Variants in DENND2C observed in about 807,000 individuals in gnomAD.
DENND2C encodes the protein DENN domain containing 2C.
A neutral mutation model predicts 112.4 loss-of-function variants in DENND2C; 72 were observed. The ratio of observed to expected loss-of-function variants is 0.64; its 90% confidence interval spans 0.53 to 0.78. The LOEUF (loss-of-function observed/expected upper bound fraction) is 0.78. Ranked by LOEUF, DENND2C falls within the 30% of genes least tolerant of loss-of-function variation. DENND2C has a pLI of 0.00. For missense variants in DENND2C, 992 were observed against 1,113.8 expected, an observed-to-expected ratio of 0.89 and a Z score of 1.56; for synonymous variants, 329 against 381.6, an observed-to-expected ratio of 0.86 and a Z score of 1.61.
At chr1:114,638,928 T>A (rs1357644755) in intron 3 of DENND2C, among the ~76,000 whole-genome samples, 1 of 151,562 alleles carries the variant, frequency 6.6e-6, no homozygotes. Flanking sequence ...TGGGAAAAAA[T>A]ATCTGCCATA....
At chr1:114,660,564 G>A (rs1380654945) in intron 1 of DENND2C, among the ~76,000 whole-genome samples, 1 of 152,122 alleles carries the variant, frequency 6.6e-6, no homozygotes, top group Non-Finnish European at 1.5e-5. Flanking sequence ...CTTGAGTGTT[G>A]GAAGGTGCTT....
intron 10 of DENND2C, among the ~76,000 whole-genome samples, chr1:114,605,297 T>G (rs1474698524): frequency 6.6e-6 from 1 of 152,192 alleles, no homozygotes. Context: ...GCATCTACTG[T>G]AAGAGAGATT....
Position 114,587,806 on chromosome 1 carries a change from T to G in DENND2C, c.2578A>C (p.Ser860Arg). The stretch of plus-strand genomic sequence containing the variant: ...AAGAGATCCAGGAAGTGGCGTACAC[T>G]TCGGGAGGTGTGGGACTTACGGAAT... ...EPFRKSHTSR[S>R]VRHFLDLFME... The change falls in exon 19 of 21, where the codon AGT (serine) becomes CGT (arginine). Residue 860 changes from serine to arginine, a missense_variant. Transcript: ENST00000393274. 6.2e-7 allele frequency: 1 copy of G among 1,614,106 alleles called. No individual in the cohort carries two copies. Among genetic ancestry groups the G allele is most frequent in the South Asian group, 1.1e-5 (1 of 91,078 alleles).
chr1:114,665,305 T>C (rs1657618350), intron 1 of DENND2C, among the ~76,000 whole-genome samples: 1 of 150,366 alleles, frequency 6.7e-6, no homozygotes, highest in African/African-American at 2.4e-5. Flanking sequence ...AAGTTATATG[T>C]GCCATGCAAA....
intron 7 of DENND2C, among the ~76,000 whole-genome samples, chr1:114,621,115 T>A (rs1656151143): frequency 6.6e-6 from 1 of 152,170 alleles, no homozygotes; most frequent in South Asian, 2.1e-4. Context: ...ATTTCTTAAG[T>A]GTTTCTCCCA....
chr1:114,611,109 T>C lies in DENND2C; in HGVS notation c.1333A>G (p.Ser445Gly). The C allele has an allele frequency of 6.2e-7, 1 of 1,614,174 alleles. No individual in the cohort carries two copies. Residue 445 changes from serine (S) to glycine (G), a missense_variant, in exon 9 of 21, where the codon AGT (serine) becomes GGT (glycine). Physicochemically the swap from Ser to Gly is moderately conservative, Grantham distance 56. Coordinates refer to ENST00000393274, the MANE Select transcript of DENND2C (RefSeq NM_001256404.2). ...KELPPTKGET[S>G]GNESDAEYLP... ...TACTCGGCATCACTTTCGTTCCCAC[T>C]GGTTTCACCTGAAAAGAGAGAAGGA...
At position 114,626,060 on chromosome 1, in the gene DENND2C, T is replaced by C; in HGVS notation, c.-76A>G. The C allele has an allele frequency of 7.3e-7, 1 of 1,368,914 alleles. No individual in the cohort carries two copies. Among genetic ancestry groups the C allele is most frequent in the Admixed American group, 2.3e-5 (1 of 44,336 alleles). 84.8% of individuals were successfully genotyped at this position (1,368,914 alleles called of 1,614,324 possible). ...CAAGTAAATGTGAAATATTGTATTCTTTATCCTGTCAGAATCCAAATGATT... is the reference window on the plus strand; with the variant it reads ...CAAGTAAATGTGAAATATTGTATTCCTTATCCTGTCAGAATCCAAATGATT... On this transcript the variant is annotated 5_prime_UTR_variant, in exon 4 of 21. Transcript: ENST00000393274.
In DENND2C at chr1:114,623,552, G is replaced by A. The variant is rs377572565; in HGVS notation, c.898C>T (p.Leu300Phe). 6.2e-7 allele frequency: 1 copy of A among 1,610,704 alleles called. No individual in the cohort carries two copies. Among genetic ancestry groups the A allele is most frequent in the Middle Eastern group, 1.7e-4 (1 of 6,054 alleles). ...TTGTCCTCAGACTGTGTGTAATAAAGTGCTGACCCAGAATTTCTTCCAAGT... is the reference window on the plus strand; with the variant it reads ...TTGTCCTCAGACTGTGTGTAATAAAATGCTGACCCAGAATTTCTTCCAAGT... ...EELGRNSGSALYYTQSEDNIY... is the reference protein window; with the variant it reads ...EELGRNSGSAFYYTQSEDNIY... Residue 300 changes from leucine to phenylalanine, a missense_variant, in exon 5 of 21, where the codon CTT (leucine) becomes TTT (phenylalanine). Leu to Phe is a conservative substitution (Grantham distance 22). This residue lies in a region of DENND2C where 470 missense variants were observed against 472.7 expected (regional missense o/e 0.99). Coordinates refer to ENST00000393274, the MANE Select transcript of DENND2C (RefSeq NM_001256404.2).
intron 1 of DENND2C, among the ~76,000 whole-genome samples, chr1:114,662,512 C>A (rs571944540): frequency 2.6e-5 from 4 of 152,098 alleles, no homozygotes; most frequent in Non-Finnish European, 5.9e-5. Context: ...ATGAAAACTA[C>A]GAAAGTTAGA....
At chr1:114,588,164 C>T (rs1220173018) in intron 18 of DENND2C, among the ~76,000 whole-genome samples, 1 of 152,174 alleles carries the variant, frequency 6.6e-6, no homozygotes, top group Non-Finnish European at 1.5e-5. Flanking sequence ...CCCATACATA[C>T]TCCTTCTACA....
chr1:114,657,040 C>A (rs1453598931), intron 1 of DENND2C, among the ~76,000 whole-genome samples: 2 of 148,126 alleles, frequency 1.4e-5, no homozygotes, highest in East Asian at 3.9e-4. Flanking sequence ...CCTGAGCCAC[C>A]GCACCTGGCC....
intron 3 of DENND2C, among the ~76,000 whole-genome samples, chr1:114,640,049 G>A (rs1312726121): frequency 2.0e-5 from 3 of 152,148 alleles, no homozygotes; most frequent in Admixed American, 2.0e-4. Context: ...GCAAAAGCTG[G>A]GAGAAAGAGG....
intron 1 of DENND2C, among the ~76,000 whole-genome samples, chr1:114,667,673 GAAATAGTTTTTTATAGACCTCTTTTTA>G: frequency 6.6e-6 from 1 of 151,970 alleles, no homozygotes; most frequent in South Asian, 2.1e-4. Flanking sequence ...CCTTCTTTTT[GAAATAGTTTTTTATAGACCTCTTTTTA>G]AAATACCTAT....
At chr1:114,656,136 C>T (rs573126704) in intron 1 of DENND2C, among the ~76,000 whole-genome samples, 11 of 151,774 alleles carry the variant, frequency 7.2e-5, no homozygotes, top group African/African-American at 2.4e-4. Flanking sequence ...GGTACAATCA[C>T]GGCTCACTGC....
intron 3 of DENND2C, among the ~76,000 whole-genome samples, chr1:114,644,306 G>A (rs919493668): frequency 6.6e-6 from 1 of 152,016 alleles, no homozygotes; most frequent in African/African-American, 2.4e-5. Flanking sequence ...ATCTGAAATT[G>A]TGTTATTTAT....
intron 9 of DENND2C, among the ~76,000 whole-genome samples, chr1:114,609,967 G>T (rs1655766468): frequency 6.6e-6 from 1 of 152,130 alleles, no homozygotes; most frequent in African/African-American, 2.4e-5. Context: ...CATCTAGGCT[G>T]AACCTGATGA....
chr1:114,632,786 T>G (rs532662328), intron 3 of DENND2C, among the ~76,000 whole-genome samples: 1 of 152,316 alleles, frequency 6.6e-6, no homozygotes, highest in South Asian at 2.1e-4. Flanking sequence ...AAGAAAATTA[T>G]GCTATTAGCA....
chr1:114,614,327 G>A (rs1655899585), intron 8 of DENND2C, among the ~76,000 whole-genome samples: 1 of 151,840 alleles, frequency 6.6e-6, no homozygotes, highest in African/African-American at 2.4e-5. Context: ...ATTATCTATT[G>A]TATTAGGCAT....
At chr1:114,623,411 T>C (rs1159166359) in intron 5 of DENND2C, 96 bp downstream of exon 5, 4 of 1,235,772 alleles carry the variant, frequency 3.2e-6, no homozygotes, top group Non-Finnish European at 4.5e-6. Context: ...CCTAGAGCAA[T>C]ATATGCTTGA....
Sources: allele counts gnomAD v4.1 joint callset (sites outside exome capture counted in the v4.1 genomes callset), GRCh38; gene constraint gnomAD v4.1.1; regional missense constraint gnomAD v4.1.1; transcripts MANE v1.5; gene names NCBI Gene and HGNC (gene_info 2026-07-23, HGNC 2026-07-21).